Variants in HTRA3 observed in about 807,000 individuals in gnomAD.
HTRA3 encodes HtrA serine peptidase 3, also known as serine protease HTRA3.
In HTRA3, 41 loss-of-function variants were observed where a neutral mutation model predicts 43.2. That is an observed-to-expected ratio of 0.95 (90% CI 0.74 to 1.23). The LOEUF (loss-of-function observed/expected upper bound fraction) is 1.23, where lower values mean the gene tolerates loss of function less well. HTRA3 is among the 50% of genes most tolerant of loss of function. The probability of loss-of-function intolerance (pLI) is 0.00; values close to 1 mark genes in which losing one functional copy is unlikely to be tolerated. For missense variants in HTRA3, 628 were observed against 647.1 expected, an observed-to-expected ratio of 0.97 and a Z score of 0.32; for synonymous variants, 295 against 287.9, an observed-to-expected ratio of 1.02 and a Z score of -0.25.
chr4:8,294,419 C>T (rs1200296864), intron 6 of HTRA3, among the ~76,000 whole-genome samples: 1 of 151,850 alleles, frequency 6.6e-6, no homozygotes, highest in Non-Finnish European at 1.5e-5. Flanking sequence ...ATCATCGATT[C>T]GTGATCGGCT....
At chr4:8,276,356 G>A (rs989263385) in intron 1 of HTRA3, among the ~76,000 whole-genome samples, 2 of 152,224 alleles carry the variant, frequency 1.3e-5, no homozygotes, top group South Asian at 2.1e-4. Context: ...GCACGGTGCC[G>A]GGCTCATAGA....
chr4:8,272,981 C>G (rs975868862), intron 1 of HTRA3, among the ~76,000 whole-genome samples: 6 of 152,330 alleles, frequency 3.9e-5, no homozygotes, highest in African/African-American at 1.4e-4. Flanking sequence ...AGAGTCCACT[C>G]CCTGTGGAGG....
At chr4:8,287,529 A>ATG in intron 3 of HTRA3, among the ~76,000 whole-genome samples, 1 of 151,612 alleles carries the variant, frequency 6.6e-6, no homozygotes. Flanking sequence ...AAGCAGGGAC[A>ATG]TCTTCTCATG....
At chr4:8,298,674 T>A (rs1713538548) in intron 6 of HTRA3, among the ~76,000 whole-genome samples, 1 of 152,372 alleles carries the variant, frequency 6.6e-6, no homozygotes, top group Non-Finnish European at 1.5e-5. Flanking sequence ...TTAGTATATT[T>A]TTAAATAGTG....
In HTRA3 at chr4:8,286,460, C is replaced by A; in HGVS notation, c.486-101C>A. Reference sequence around the variant, plus strand: ...CTCCAGACCTGTGTTCTGTCAGCCACACACTGGCTCTGCTCCTCGCTGACC... The same window carrying A: ...CTCCAGACCTGTGTTCTGTCAGCCAAACACTGGCTCTGCTCCTCGCTGACC... On this transcript the variant is annotated intron_variant, in intron 2 of 8. Transcript: ENST00000307358. This position sits in a 1 kb window ranked among gnomAD's most constrained non-coding sequence, Gnocchi z 4.9. The A allele has an allele frequency of 2.2e-6, 2 of 925,850 alleles. No homozygotes were observed. The highest frequency in any genetic ancestry group is 3.5e-6 in the Non-Finnish European group (2 of 575,696). The allele number at this position is 925,850 out of a possible 1,614,324, so 57.4% of individuals were successfully genotyped here. A position where few individuals can be genotyped will look rare whatever the true frequency, so the allele number is the denominator to read the frequency against.
intron 1 of HTRA3, among the ~76,000 whole-genome samples, chr4:8,277,966 A>G (rs1323070902): frequency 6.6e-6 from 1 of 152,186 alleles, no homozygotes; most frequent in East Asian, 1.9e-4. Context: ...TCTGCACATT[A>G]TGTGCTAGAG....
At position 8,278,298 on chromosome 4, in the gene HTRA3, C is replaced by T. The variant is rs552433371; in HGVS notation, c.386-4139C>T. Among the ~76,000 whole-genome samples, 114 of 151,884 alleles carry T rather than the reference C, an allele frequency of 7.5e-4. 1 individual carries two copies. Among genetic ancestry groups the T allele is most frequent in the Admixed American group, 5.4e-3 (83 of 15,280 alleles). On this transcript the variant is annotated intron_variant, in intron 1 of 8. Coordinates refer to ENST00000307358, the MANE Select transcript of HTRA3 (RefSeq NM_053044.5). ...CCCCTTCCTCTCCTGGGATGTGACA[C>T]CGGACACCTAGCCTCGGGCCTTGAT...
intron 1 of HTRA3, among the ~76,000 whole-genome samples, chr4:8,273,588 G>C (rs115702680): frequency 7.6e-5 from 11 of 145,430 alleles, no homozygotes; most frequent in Non-Finnish European, 1.2e-4. Flanking sequence ...CTGGGACTTC[G>C]GGCCCTATCT....
intron 1 of HTRA3, among the ~76,000 whole-genome samples, chr4:8,271,809 C>A (rs527399383): frequency 2.6e-5 from 4 of 152,332 alleles, no homozygotes; most frequent in African/African-American, 7.2e-5. Flanking sequence ...GTGACCTCAT[C>A]ACCTCCTAAC....
intron 3 of HTRA3, among the ~76,000 whole-genome samples, chr4:8,290,822 G>A (rs571342928): frequency 6.6e-6 from 1 of 152,298 alleles, no homozygotes; most frequent in African/African-American, 2.4e-5. Flanking sequence ...AGTGTGCGCG[G>A]CGTGGGGTGG....
rs73801721 is a variant in HTRA3, at chr4:8,296,269, A to G, written c.1051+2068A>G. The G allele has an allele frequency of 1.9e-4, 192 of 985,584 alleles. 1 individual carries two copies. In the African/African-American group the frequency reaches 3.1e-3, roughly 16 times the overall value. The allele number at this position is 985,584 out of a possible 1,614,324, so 61.1% of individuals were successfully genotyped here. On this transcript the variant is annotated intron_variant, in intron 6 of 8. Transcript: ENST00000307358. This position sits in a 1 kb window ranked among gnomAD's most constrained non-coding sequence, Gnocchi z 5.3. ...TCCTTTGTTGTACAGGGGCTGTCCCAGTTAGTGCTGACCTCATCCCAGAAC... is the reference window on the plus strand; with the variant it reads ...TCCTTTGTTGTACAGGGGCTGTCCCGGTTAGTGCTGACCTCATCCCAGAAC...
chr4:8,281,571 C>T (rs1712744178), intron 1 of HTRA3, among the ~76,000 whole-genome samples: 1 of 152,240 alleles, frequency 6.6e-6, no homozygotes, highest in African/African-American at 2.4e-5. Context: ...GTGTGTGCAG[C>T]CCCCAGCCCA....
chr4:8,275,567 A>C (rs931241245), intron 1 of HTRA3, among the ~76,000 whole-genome samples: 6 of 152,162 alleles, frequency 3.9e-5, no homozygotes, highest in Admixed American at 2.6e-4. Flanking sequence ...GGCTTTCTGG[A>C]GATGGGGGCG....
chr4:8,302,813 G>A (rs897317276), intron 7 of HTRA3, among the ~76,000 whole-genome samples: 1 of 152,228 alleles, frequency 6.6e-6, no homozygotes, highest in Non-Finnish European at 1.5e-5. Flanking sequence ...GGAGGTCGGG[G>A]ATCTGAAGTC....
At position 8,305,974 on chromosome 4, in the gene HTRA3, C is replaced by T. The variant is rs577535097; in HGVS notation, c.1200C>T (p.Gly400=). 13 of 1,610,930 alleles carry T rather than the reference C, an allele frequency of 8.1e-6. No individual in the cohort carries two copies. The highest frequency in any genetic ancestry group is 5.4e-5 in the African/African-American group (4 of 74,088). ...EVAPNSPSQR[G]GIQDGDIIVK... ...ACCCCGTCTCTCCTGTTGGCAGAGG[C>T]GGCATCCAAGATGGTGACATCATCG... Residue 400 remains glycine, a synonymous_variant, in exon 9 of 9, where the codon GGC becomes GGT. Coordinates refer to ENST00000307358, the MANE Select transcript of HTRA3 (RefSeq NM_053044.5).
intron 3 of HTRA3, 49 bp from the exon 4 acceptor site, chr4:8,291,321 G>C (rs115510769): frequency 2.0e-6 from 3 of 1,529,280 alleles, no homozygotes; most frequent in Non-Finnish European, 1.8e-6. Context: ...CCCCGCTGAA[G>C]GTAGACGGCT....
At chr4:8,289,410 G>A (rs935719594) in intron 3 of HTRA3, among the ~76,000 whole-genome samples, 1 of 152,260 alleles carries the variant, frequency 6.6e-6, no homozygotes, top group African/African-American at 2.4e-5. Context: ...AACAGGCAAT[G>A]GACAGCGTTT....
rs1022274523 is a variant in HTRA3, at chr4:8,286,925, T to C, written c.708+142T>C. On this transcript the variant is annotated intron_variant, in intron 3 of 8. Coordinates refer to ENST00000307358, the MANE Select transcript of HTRA3 (RefSeq NM_053044.5). The surrounding 1 kb of genome is among the most constrained non-coding windows in gnomAD (Gnocchi z 4.9). ...ACTGGGCCCAGGGAGGACTGGCAGC[T>C]GGCCCAGGGTCACGGCTTGGAAAAG... The C allele has an allele frequency of 8.5e-5, 56 of 655,776 alleles. No homozygotes were observed. Among genetic ancestry groups the C allele is most frequent in the Non-Finnish European group, 1.4e-4 (52 of 378,340 alleles). 40.6% of individuals were successfully genotyped at this position (655,776 alleles called of 1,614,324 possible). A position where few individuals can be genotyped will look rare whatever the true frequency, so the allele number is the denominator to read the frequency against.
intron 1 of HTRA3, among the ~76,000 whole-genome samples, chr4:8,270,982 G>A (rs1286493366): frequency 6.6e-6 from 1 of 152,216 alleles, no homozygotes; most frequent in Admixed American, 6.5e-5. Flanking sequence ...AAAACCTGCT[G>A]TACCTTTTTC....
Sources: gnomAD v4.1 joint callset for allele counts (sites outside exome capture counted in the v4.1 genomes callset) on GRCh38, gnomAD v4.1.1 for gene constraint, Gnocchi (gnomAD v3.1) non-coding constraint, MANE v1.5 for transcripts, NCBI Gene and HGNC (gene_info 2026-07-23, HGNC 2026-07-21) for gene names.